The following SLAIN2 variants were observed in gnomAD, a reference collection of about 807,000 sequenced individuals.
The protein encoded by SLAIN2 is SLAIN motif-containing protein 2.
In SLAIN2, 31 loss-of-function variants were observed where a neutral mutation model predicts 56.6. That is an observed-to-expected ratio of 0.55 (90% CI 0.41 to 0.74). The LOEUF (loss-of-function observed/expected upper bound fraction) is 0.74, where lower values mean the gene tolerates loss of function less well. Ranked by LOEUF, SLAIN2 falls within the 30% of genes least tolerant of loss-of-function variation. The pLI, the probability that SLAIN2 is intolerant of heterozygous loss-of-function variation, is 0.00. For synonymous variants in SLAIN2, 317 were observed against 284.9 expected, an observed-to-expected ratio of 1.11 and a Z score of -1.13; for missense variants, 777 against 754.2, an observed-to-expected ratio of 1.03 and a Z score of -0.35.
At chr4:48,371,748 C>T (rs1302455495) in intron 2 of SLAIN2, among the ~76,000 whole-genome samples, 1 of 151,826 alleles carries the variant, frequency 6.6e-6, no homozygotes, top group Non-Finnish European at 1.5e-5. Flanking sequence ...TCAGAAGCAG[C>T]CTAGGCAACA....
intron 1 of SLAIN2, among the ~76,000 whole-genome samples, chr4:48,354,903 T>C (rs1715117008): frequency 2.0e-5 from 3 of 150,216 alleles, no homozygotes; most frequent in Non-Finnish European, 4.5e-5. Context: ...TCTTTTCTTT[T>C]TTTCTTTTTT....
At chr4:48,420,480 G>GC (rs1264724053) in intron 7 of SLAIN2, 37 bp downstream of exon 7, 1 of 1,603,124 alleles carries the variant, frequency 6.2e-7, no homozygotes, top group African/African-American at 1.3e-5. Context: ...ATTCTTGAGT[G>GC]CCTGAAAGTG....
intron 1 of SLAIN2, among the ~76,000 whole-genome samples, chr4:48,362,499 ACCTCTGACT>A (rs147809352): frequency 0.14 from 20,773 of 148,404 alleles, 1,985 homozygotes; most frequent in Non-Finnish European, 0.21. Flanking sequence ...GGTCACTACA[ACCTCTGACT>A]CCTAGGTTCA....
chr4:48,383,747 C>A lies in SLAIN2; in HGVS notation c.1323C>A (p.Asn441Lys), dbSNP rs377181403. The change falls in exon 6 of 8, where the codon AAC becomes AAA. Residue 441 changes from asparagine (N) to lysine (K), a missense_variant. Transcript: ENST00000264313. ...SRSDSNFQVP[N>K]GGIPRMQPQA... is the part of the protein sequence containing the mutation. ...GTGACTCAAATTTTCAAGTGCCAAA[C>A]GGAGGAATACCTCGTATGCAACCTC... 6.2e-7 allele frequency: 1 copy of A among 1,612,008 alleles called. No homozygotes were observed. Among genetic ancestry groups the A allele is most frequent in the Non-Finnish European group, 8.5e-7 (1 of 1,178,714 alleles).
At chr4:48,349,678 G>C (rs1384129370) in intron 1 of SLAIN2, among the ~76,000 whole-genome samples, 7 of 152,114 alleles carry the variant, frequency 4.6e-5, no homozygotes, top group Non-Finnish European at 8.8e-5. Context: ...TAAAATTTAA[G>C]TCAGTTTTAT....
At chr4:48,412,365 T>TACACACACACACAC (rs748099130) in intron 6 of SLAIN2, among the ~76,000 whole-genome samples, 35 of 112,984 alleles carry the variant, frequency 3.1e-4, no homozygotes, top group African/African-American at 7.0e-4. Flanking sequence ...TTTGTATATG[T>TACACACACACACAC]ACACACACAC....
At chr4:48,391,088 G>T (rs376794374) in intron 6 of SLAIN2, among the ~76,000 whole-genome samples, 1 of 152,070 alleles carries the variant, frequency 6.6e-6, no homozygotes, top group African/African-American at 2.4e-5. Flanking sequence ...GCTCAAAATC[G>T]CATATAATGA....
rs149472919 is a variant in SLAIN2 at position 48,399,152 on chromosome 4, C to A, written c.1360+15368C>A. Reference sequence around the variant, plus strand: ...TATCCATGAGCATGGAATGTTTTTCCATTTGTTTGTTTCCTCTCTGATTTC... The same window carrying A: ...TATCCATGAGCATGGAATGTTTTTCAATTTGTTTGTTTCCTCTCTGATTTC... On this transcript the variant is annotated intron_variant, in intron 6 of 7. Transcript: ENST00000264313. Among the ~76,000 whole-genome samples the A allele has an allele frequency of 3.5e-3, 525 of 152,082 alleles. 13 individuals are homozygous for A. The highest frequency in any genetic ancestry group is 0.028 in the Admixed American group (424 of 15,272).
chr4:48,342,374 A>G lies in SLAIN2; in HGVS notation c.389+246A>G, dbSNP rs1714736653. ...GTGGACCTTCTGAGTGCTGGACCCTATTGGGGTCTGTGGGTTGGGGCAGCT... is the reference window on the plus strand; with the variant it reads ...GTGGACCTTCTGAGTGCTGGACCCTGTTGGGGTCTGTGGGTTGGGGCAGCT... On this transcript the variant is annotated intron_variant, in intron 1 of 7. Coordinates refer to ENST00000264313, the MANE Select transcript of SLAIN2 (RefSeq NM_020846.2). Among the ~76,000 whole-genome samples the G allele has an allele frequency of 3.9e-5, 6 of 152,152 alleles. No individual in the cohort carries two copies. The South Asian group carries it at 1.2e-3, about 32-fold the overall frequency.
At chr4:48,379,586 G>T (rs1715918576) in intron 3 of SLAIN2, 104 bp from the exon 4 acceptor site, 3 of 997,040 alleles carry the variant, frequency 3.0e-6, no homozygotes, top group South Asian at 8.4e-5. Context: ...GGCAGAACAA[G>T]AATGAATTAA....
intron 7 of SLAIN2, 149 bp downstream of exon 7, chr4:48,420,592 C>A: frequency 2.2e-6 from 2 of 906,378 alleles, no homozygotes; most frequent in Non-Finnish European, 3.2e-6. Flanking sequence ...TAAAACTTTA[C>A]TACATTGTTT....
intron 2 of SLAIN2, among the ~76,000 whole-genome samples, chr4:48,377,041 C>A (rs1715836046): frequency 6.7e-6 from 1 of 149,858 alleles, no homozygotes; most frequent in South Asian, 2.1e-4. Flanking sequence ...TATTTCATAG[C>A]TTTTAGAAAA....
chr4:48,357,987 C>G (rs752580562), intron 1 of SLAIN2, among the ~76,000 whole-genome samples: 1 of 152,228 alleles, frequency 6.6e-6, no homozygotes, highest in Admixed American at 6.5e-5. Context: ...GTGTGAGCCA[C>G]CACGCCTGGC....
intron 4 of SLAIN2, among the ~76,000 whole-genome samples, chr4:48,380,870 A>G (rs1482491686): frequency 6.6e-6 from 1 of 152,148 alleles, no homozygotes; most frequent in African/African-American, 2.4e-5. Flanking sequence ...AGGCTTTATC[A>G]AGCTGTAGCA....
At chr4:48,373,312 C>T (rs918154477) in intron 2 of SLAIN2, among the ~76,000 whole-genome samples, 1 of 152,068 alleles carries the variant, frequency 6.6e-6, no homozygotes, top group African/African-American at 2.4e-5. Context: ...ATTCTGTACC[C>T]GTGTTAACCA....
intron 1 of SLAIN2, among the ~76,000 whole-genome samples, chr4:48,352,161 G>A (rs1715030433): frequency 6.6e-6 from 1 of 152,200 alleles, no homozygotes; most frequent in African/African-American, 2.4e-5. Flanking sequence ...GCAATAGTAT[G>A]TAGGCGAGAA....
chr4:48,380,677 A>T (rs1408214255), intron 4 of SLAIN2, among the ~76,000 whole-genome samples: 1 of 152,196 alleles, frequency 6.6e-6, no homozygotes, highest in Non-Finnish European at 1.5e-5. Context: ...TGCCATCTGC[A>T]TAACTATGAA....
Position 48,422,155 on chromosome 4 carries a change from G to T in SLAIN2, c.*78G>T. On this transcript the variant is annotated 3_prime_UTR_variant, in exon 8 of 8. Coordinates refer to ENST00000264313, the MANE Select transcript of SLAIN2 (RefSeq NM_020846.2). ...GGCTAAAAAACAACTTTTATATGCA[G>T]ACTGTTCAGATAAGACTCTTGGGAT... 9.4e-7 allele frequency: 1 copy of T among 1,060,116 alleles called. No individual in the cohort carries two copies. The highest frequency in any genetic ancestry group is 1.4e-5 in the South Asian group (1 of 73,782). The allele number at this position is 1,060,116 out of a possible 1,614,324, so 65.7% of individuals were successfully genotyped here.
intron 7 of SLAIN2, 146 bp from the exon 8 acceptor site, chr4:48,421,865 A>C: frequency 1.6e-6 from 1 of 610,424 alleles, no homozygotes; most frequent in Non-Finnish European, 2.9e-6. Context: ...AGGTTGTACT[A>C]GTACCTGTTT....
Sources: gnomAD v4.1 joint callset for allele counts (sites outside exome capture counted in the v4.1 genomes callset) on GRCh38, gnomAD v4.1.1 for gene constraint, MANE v1.5 for transcripts, NCBI Gene and HGNC (gene_info 2026-07-23, HGNC 2026-07-21) for gene names.